Variants in RORA observed in about 807,000 individuals in gnomAD.
RORA encodes the protein RAR related orphan receptor A.
In RORA, 7 loss-of-function variants were observed where a neutral mutation model predicts 69.5. The observed-to-expected ratio is 0.10, with a 90% CI of 0.06 to 0.19. The LOEUF (loss-of-function observed/expected upper bound fraction) is 0.19. RORA is among the 10% of genes least tolerant of loss of function. The pLI is 1.00. For synonymous variants in RORA, 261 were observed against 240.8 expected (o/e 1.08, Z -0.78); for missense variants, 457 against 663.0 (o/e 0.69, Z 3.41).
chr15:60,565,453 C>T (rs1196838201), intron 2 of RORA, among the ~76,000 whole-genome samples: 1 of 152,156 alleles, frequency 6.6e-6, no homozygotes, highest in African/African-American at 2.4e-5. Flanking sequence ...AAATAAATTG[C>T]ATTTGTCCAA....
Position 61,213,634 on chromosome 15 carries a change from G to A in RORA, c.166+15419C>T, listed in dbSNP as rs2080012659. The A allele has an allele frequency of 6.6e-6, 1 of 152,068 alleles. No homozygotes were observed. Among genetic ancestry groups the A allele is most frequent in the South Asian group, 2.1e-4 (1 of 4,812 alleles). 9.4% of individuals were successfully genotyped at this position (152,068 alleles called of 1,614,324 possible). A position where few individuals can be genotyped will look rare whatever the true frequency, so the allele number is the denominator to read the frequency against. ...TCCTCATTTTTCTAAAACCCGGGCAGGCATAACCACCTCAGTGAGCTTTCC... is the reference window on the plus strand; with the variant it reads ...TCCTCATTTTTCTAAAACCCGGGCAAGCATAACCACCTCAGTGAGCTTTCC... On this transcript the variant is annotated intron_variant, in intron 1 of 10. Coordinates refer to ENST00000335670, the MANE Select transcript of RORA (RefSeq NM_134261.3). This position sits in a 1 kb window ranked among gnomAD's most constrained non-coding sequence, Gnocchi z 4.1.
intron 1 of RORA, among the ~76,000 whole-genome samples, chr15:61,018,011 G>A (rs1895365102): frequency 6.6e-6 from 1 of 152,136 alleles, no homozygotes; most frequent in African/African-American, 2.4e-5. Context: ...CATGACATAA[G>A]CTCTTCTTAA....
At chr15:60,514,129 G>A (rs776972709) in intron 4 of RORA, among the ~76,000 whole-genome samples, 1 of 152,176 alleles carries the variant, frequency 6.6e-6, no homozygotes, top group Non-Finnish European at 1.5e-5. Context: ...CACACATTCT[G>A]TATGTACAAA....
At chr15:61,021,147 C>T (rs551431781) in intron 1 of RORA, among the ~76,000 whole-genome samples, 4 of 152,084 alleles carry the variant, frequency 2.6e-5, no homozygotes, top group Admixed American at 6.5e-5. Context: ...ACGCTGGGGA[C>T]GGGAGAGGCC....
At chr15:60,608,976 A>T (rs1253909965) in intron 2 of RORA, among the ~76,000 whole-genome samples, 1 of 152,168 alleles carries the variant, frequency 6.6e-6, no homozygotes, top group Admixed American at 6.5e-5. Context: ...CCCCGTGTCT[A>T]TCATGACATT....
At chr15:60,778,229 TTGTTTG>T (rs1360670595) in intron 1 of RORA, among the ~76,000 whole-genome samples, 1 of 151,302 alleles carries the variant, frequency 6.6e-6, no homozygotes, top group East Asian at 1.9e-4. Flanking sequence ...TTGTTTTTGT[TTGTTTG>T]TTTGTTTGTT....
intron 2 of RORA, among the ~76,000 whole-genome samples, chr15:60,624,018 G>T (rs1263461052): frequency 6.6e-6 from 1 of 151,416 alleles, no homozygotes; most frequent in East Asian, 2.0e-4. Flanking sequence ...CATGGAGCAG[G>T]TGGAGAGTAG....
chr15:60,715,335 G>T (rs1253489033), intron 1 of RORA, among the ~76,000 whole-genome samples: 1 of 152,178 alleles, frequency 6.6e-6, no homozygotes, highest in African/African-American at 2.4e-5. Context: ...AAACTTTTTT[G>T]AACACAATGA....
At chr15:61,000,855 C>T (rs915758950) in intron 1 of RORA, among the ~76,000 whole-genome samples, 2 of 152,172 alleles carry the variant, frequency 1.3e-5, no homozygotes, top group African/African-American at 2.4e-5. Context: ...CCCAGCTTGT[C>T]ACTATCATGT....
chr15:60,870,297 G>A (rs773803119), intron 1 of RORA, among the ~76,000 whole-genome samples: 7 of 152,208 alleles, frequency 4.6e-5, no homozygotes, highest in Non-Finnish European at 8.8e-5. Flanking sequence ...ATTATCCTAT[G>A]AGGGGGAATT....
At position 60,517,634 on chromosome 15, in the gene RORA, G is replaced by A. The variant is rs142752838; in HGVS notation, c.283-2877C>T. ...AGATACCAAGAGGTCAGCTGTCTAG[G>A]TATTCATTTTCCCCTGAGACACATA... On this transcript the variant is annotated intron_variant, in intron 3 of 10. Transcript: ENST00000335670. 2.6e-5 allele frequency among the ~76,000 whole-genome samples: 4 copies of A among 152,268 alleles called. No individual in the cohort carries two copies. In the East Asian group the frequency reaches 7.7e-4, roughly 29 times the overall value.
intron 1 of RORA, among the ~76,000 whole-genome samples, chr15:61,139,013 G>A (rs559038280): frequency 3.9e-5 from 6 of 151,934 alleles, no homozygotes; most frequent in East Asian, 1.9e-4. Context: ...GCGTGGTGGC[G>A]GGCGCCTGTA....
chr15:61,080,307 A>T (rs1164443976), intron 1 of RORA, among the ~76,000 whole-genome samples: 2 of 152,028 alleles, frequency 1.3e-5, no homozygotes, highest in Non-Finnish European at 2.9e-5. Flanking sequence ...AAAGCACCTA[A>T]GCTTACCCAT....
chr15:60,945,517 T>C (rs1030211397), intron 1 of RORA, among the ~76,000 whole-genome samples: 10 of 151,430 alleles, frequency 6.6e-5, no homozygotes, highest in Admixed American at 3.3e-4. Flanking sequence ...CCGAGAACAG[T>C]GCTTGTTAGA....
At chr15:60,592,736 C>T (rs1555435235) in intron 2 of RORA, 2 of 1,088,522 alleles carry the variant, frequency 1.8e-6, no homozygotes, top group Non-Finnish European at 2.3e-6. Flanking sequence ...CTGGCCCACC[C>T]CGGCCGGGCC....
At chr15:61,018,337 C>A (rs1895376156) in intron 1 of RORA, among the ~76,000 whole-genome samples, 1 of 152,036 alleles carries the variant, frequency 6.6e-6, no homozygotes, top group Admixed American at 6.6e-5. Context: ...TTCTTTCCTG[C>A]TAGTTTTATG....
At chr15:61,177,727 G>C (rs969326566) in intron 1 of RORA, among the ~76,000 whole-genome samples, 3 of 152,152 alleles carry the variant, frequency 2.0e-5, no homozygotes, top group African/African-American at 7.2e-5. Flanking sequence ...TTGGGAGGCT[G>C]AGGCAGGCAG....
intron 2 of RORA, among the ~76,000 whole-genome samples, chr15:60,671,232 CA>C (rs2070464602): frequency 6.6e-6 from 1 of 151,542 alleles, no homozygotes; most frequent in African/African-American, 2.4e-5. Flanking sequence ...GTTGGTCTAA[CA>C]AAAAAGTATA....
chr15:61,191,970 G>T (rs2079804327), intron 1 of RORA, among the ~76,000 whole-genome samples: 1 of 152,234 alleles, frequency 6.6e-6, no homozygotes, highest in Non-Finnish European at 1.5e-5. Flanking sequence ...CTGCTGTCCA[G>T]GCTTAATCTA....
Sources: allele counts gnomAD v4.1 joint callset (sites outside exome capture counted in the v4.1 genomes callset), GRCh38; gene constraint gnomAD v4.1.1; non-coding constraint Gnocchi (gnomAD v3.1); transcripts MANE v1.5; gene names NCBI Gene and HGNC (gene_info 2026-07-23, HGNC 2026-07-21).